The following PCDHA1 variants were observed in gnomAD, a reference collection of about 807,000 sequenced individuals.
PCDHA1 encodes the protein protocadherin alpha-1.
Under a neutral mutation model 61.3 loss-of-function variants are expected in PCDHA1, and 42 were observed. The observed-to-expected ratio is 0.69, with a 90% confidence interval of 0.54 to 0.89. The LOEUF is 0.89. Ranked by LOEUF, PCDHA1 falls within the 40% of genes least tolerant of loss-of-function variation. The pLI is 0.00. For synonymous variants in PCDHA1, 610 were observed against 553.8 expected (o/e 1.10, Z -1.43); for missense variants, 1,256 against 1,235.3 (o/e 1.02, Z -0.25).
intron 1 of PCDHA1, chr5:140,801,951 C>T (rs1554121782): frequency 6.2e-7 from 1 of 1,614,200 alleles, no homozygotes; most frequent in East Asian, 2.2e-5. Context: ...AGTCAGATTA[C>T]TCGAAAATGC....
chr5:140,899,056 G>A (rs1370417194), intron 1 of PCDHA1, among the ~76,000 whole-genome samples: 1 of 152,062 alleles, frequency 6.6e-6, no homozygotes, highest in Non-Finnish European at 1.5e-5. Context: ...CTGAGACTTT[G>A]CTGAAGTTGC....
At chr5:140,873,007 C>G (rs1363151505) in intron 1 of PCDHA1, among the ~76,000 whole-genome samples, 2 of 152,088 alleles carry the variant, frequency 1.3e-5, no homozygotes, top group East Asian at 3.8e-4. Context: ...AGTCATTCTT[C>G]ATATTTAGTT....
chr5:140,876,094 C>T lies in PCDHA1; in HGVS notation c.2394+87410C>T, dbSNP rs782479233. 13 of 1,613,808 alleles carry T rather than the reference C, an allele frequency of 8.1e-6. No homozygotes were observed. In the Admixed American group the frequency reaches 1.5e-4, roughly 19 times the overall value. On this transcript the variant is annotated intron_variant, in intron 1 of 3. Transcript: ENST00000504120. ...ATTGGACAGAGAGCAAACGCCAAAA[C>T]TCAATTTATTGCTGATGGTAATCGA...
chr5:140,941,202 C>CTTT (rs1554213921), intron 1 of PCDHA1, among the ~76,000 whole-genome samples: 9,869 of 122,696 alleles, frequency 0.08, 560 homozygotes, highest in East Asian at 0.13. Flanking sequence ...TTTCTTTCTT[C>CTTT]CTTTCTTTCT....
At chr5:140,845,938 G>T (rs1554141077) in intron 1 of PCDHA1, among the ~76,000 whole-genome samples, 1 of 149,608 alleles carries the variant, frequency 6.7e-6, no homozygotes, top group South Asian at 2.1e-4. Flanking sequence ...ACTATCTTCT[G>T]TAAAGTCATT....
chr5:140,870,987 C>T (rs782771467), intron 1 of PCDHA1: 51 of 1,613,334 alleles, frequency 3.2e-5, no homozygotes, highest in Non-Finnish European at 4.1e-5. Context: ...TGTACACGGG[C>T]GAGATAAGCA....
intron 1 of PCDHA1, chr5:140,858,360 G>T: frequency 6.3e-7 from 1 of 1,592,532 alleles, no homozygotes; most frequent in Non-Finnish European, 8.6e-7. Context: ...ATGGCCTTCA[G>T]CCCCAGCCTT....
At chr5:140,886,436 T>A (rs1434592910) in intron 1 of PCDHA1, among the ~76,000 whole-genome samples, 2 of 152,158 alleles carry the variant, frequency 1.3e-5, no homozygotes, top group African/African-American at 4.8e-5. Context: ...TATTCATTTG[T>A]TTGTACTAAT....
intron 1 of PCDHA1, chr5:140,814,179 A>G (rs1765453149): frequency 6.6e-6 from 1 of 152,078 alleles, no homozygotes; most frequent in South Asian, 2.0e-4. Context: ...AGTTTTTTTG[A>G]CTTTTAATTT....
At chr5:140,854,205 T>C (rs2043038740) in intron 1 of PCDHA1, 1 of 692,808 alleles carries the variant, frequency 1.4e-6, no homozygotes, top group East Asian at 1.3e-4. Flanking sequence ...CTACTTTTTA[T>C]TCAATATTGG....
intron 1 of PCDHA1, chr5:140,843,225 G>C: frequency 1.3e-6 from 2 of 1,596,120 alleles, no homozygotes; most frequent in Non-Finnish European, 1.7e-6. Context: ...AGCACCACTC[G>C]TGTCCTGGAC....
chr5:140,801,621 A>G, intron 1 of PCDHA1: 1 of 1,614,038 alleles, frequency 6.2e-7, no homozygotes, highest in Non-Finnish European at 8.5e-7. Flanking sequence ...GAATCTGTTT[A>G]TTTCCGAATC....
At chr5:140,908,429 G>A (rs575934093) in intron 1 of PCDHA1, among the ~76,000 whole-genome samples, 1 of 152,280 alleles carries the variant, frequency 6.6e-6, no homozygotes, top group African/African-American at 2.4e-5. Flanking sequence ...ATGCTGCTGT[G>A]CGCACCCCAC....
intron 1 of PCDHA1, chr5:140,788,979 A>C: frequency 2.3e-6 from 1 of 438,008 alleles, no homozygotes; most frequent in Non-Finnish European, 3.8e-6. Context: ...CAATATCTCA[A>C]TGTAGTAAAA....
At chr5:141,000,405 A>ATG (rs2097918195) in intron 3 of PCDHA1, among the ~76,000 whole-genome samples, 3 of 88,878 alleles carry the variant, frequency 3.4e-5, no homozygotes, top group African/African-American at 1.4e-4. Flanking sequence ...CTATATATAT[A>ATG]TATATATATA....
At position 140,787,521 on chromosome 5, in the gene PCDHA1, A is replaced by T. The variant is rs782697254; in HGVS notation, c.1231A>T (p.Ser411Cys). 1 of 1,614,228 alleles carries T rather than the reference A, an allele frequency of 6.2e-7. No homozygotes were observed. Among genetic ancestry groups the T allele is most frequent in the Non-Finnish European group, 8.5e-7 (1 of 1,180,050 alleles). ...FKNYYSLVLDSALDRESLSVY... is the reference protein window; with the variant it reads ...FKNYYSLVLDCALDRESLSVY... ...GAATTACTACTCGTTGGTGTTGGACAGCGCCCTGGATCGCGAGAGCCTGTC... is the reference window on the plus strand; with the variant it reads ...GAATTACTACTCGTTGGTGTTGGACTGCGCCCTGGATCGCGAGAGCCTGTC... Residue 411 changes from serine to cysteine, a missense_variant, in exon 1 of 4, where the codon AGC (serine) becomes TGC (cysteine). Transcript: ENST00000504120.
intron 1 of PCDHA1, chr5:140,850,651 C>T (rs2150492277): frequency 1.9e-6 from 3 of 1,598,626 alleles, no homozygotes; most frequent in Admixed American, 1.7e-5. Flanking sequence ...CTGCTGTACA[C>T]TGTGCTGCGG....
intron 1 of PCDHA1, among the ~76,000 whole-genome samples, chr5:140,898,622 A>G (rs1286354840): frequency 7.9e-5 from 12 of 152,290 alleles, no homozygotes; most frequent in African/African-American, 2.6e-4. Context: ...GTCAGGTAGC[A>G]TAATGCCTCC....
chr5:140,914,769 T>C (rs2076832006), intron 1 of PCDHA1, among the ~76,000 whole-genome samples: 1 of 152,160 alleles, frequency 6.6e-6, no homozygotes, highest in South Asian at 2.1e-4. Flanking sequence ...ATGAGGTTTA[T>C]GACTTATCTT....
Sources: gnomAD v4.1 joint callset for allele counts (sites outside exome capture counted in the v4.1 genomes callset) on GRCh38, gnomAD v4.1.1 for gene constraint, MANE v1.5 for transcripts, NCBI Gene and HGNC (gene_info 2026-07-23, HGNC 2026-07-21) for gene names.